Variants in LPIN1 observed in about 807,000 individuals in gnomAD.
The protein encoded by LPIN1 is phosphatidate phosphatase LPIN1.
In LPIN1, 71 loss-of-function variants were observed where a neutral mutation model predicts 107.5. The observed-to-expected ratio is 0.66, with a 90% CI of 0.55 to 0.80. The LOEUF (loss-of-function observed/expected upper bound fraction) is 0.80. Ranked by LOEUF, LPIN1 falls within the 30% of genes least tolerant of loss-of-function variation. The pLI, the probability that LPIN1 is intolerant of heterozygous loss-of-function variation, is 0.00. For missense variants in LPIN1, 1,043 were observed against 1,160.6 expected (o/e 0.90, Z 1.47); for synonymous variants, 445 against 452.6 (o/e 0.98, Z 0.21).
At chr2:11,797,202 T>C (rs953494820) in intron 14 of LPIN1, among the ~76,000 whole-genome samples, 2 of 152,264 alleles carry the variant, frequency 1.3e-5, no homozygotes, top group African/African-American at 4.8e-5. Flanking sequence ...CAGAGCAGGA[T>C]GTACAGCAGG....
chr2:11,759,514 A>G (rs1669298286), intron 1 of LPIN1, among the ~76,000 whole-genome samples: 1 of 152,246 alleles, frequency 6.6e-6, no homozygotes, highest in Non-Finnish European at 1.5e-5. Flanking sequence ...GTCATAGATC[A>G]ACAGCATCCC....
chr2:11,801,169 G>A (rs547240947), intron 14 of LPIN1, among the ~76,000 whole-genome samples: 5 of 152,334 alleles, frequency 3.3e-5, no homozygotes, highest in African/African-American at 4.8e-5. Context: ...ATGTGAATTA[G>A]TACAGCTATT....
chr2:11,795,209 ACTT>A (rs1676451761), intron 13 of LPIN1, among the ~76,000 whole-genome samples, 196 bp from the exon 14 acceptor site: 1 of 152,108 alleles, frequency 6.6e-6, no homozygotes, highest in South Asian at 2.1e-4. Context: ...TTAATCGTAC[ACTT>A]CTTAGCAAAG....
At chr2:11,693,786 G>GTATATATATA (rs1240523068) in intron 1 of LPIN1, among the ~76,000 whole-genome samples, 17 of 44,038 alleles carry the variant, frequency 3.9e-4, no homozygotes, top group African/African-American at 1.7e-3. Context: ...GTGTGTGAGT[G>GTATATATATA]TGTATATATA....
chr2:11,714,412 C>A (rs558212827), intron 2 of LPIN1, among the ~76,000 whole-genome samples: 1 of 152,308 alleles, frequency 6.6e-6, no homozygotes, highest in East Asian at 1.9e-4. Flanking sequence ...GTTCCACAGC[C>A]CAAAGGCCAT....
intron 1 of LPIN1, among the ~76,000 whole-genome samples, chr2:11,733,736 C>T (rs1207818086): frequency 6.6e-6 from 1 of 151,970 alleles, no homozygotes; most frequent in Admixed American, 6.5e-5. Flanking sequence ...AAGCAATCTT[C>T]CCGCCTCGGC....
At chr2:11,782,641 A>T in intron 8 of LPIN1, 134 bp downstream of exon 8, 1 of 984,306 alleles carries the variant, frequency 1.0e-6, no homozygotes, top group Non-Finnish European at 1.5e-6. Context: ...GTTCAGTCTG[A>T]GCTCTTCAGC....
intron 1 of LPIN1, among the ~76,000 whole-genome samples, chr2:11,763,915 T>TC (rs1436651611): frequency 6.6e-6 from 1 of 151,314 alleles, no homozygotes; most frequent in African/African-American, 2.4e-5. Flanking sequence ...TGATCATAAC[T>TC]CCCTTAGTGT....
At chr2:11,824,126 A>G (rs1056522558) in intron 20 of LPIN1, among the ~76,000 whole-genome samples, 4 of 152,114 alleles carry the variant, frequency 2.6e-5, no homozygotes, top group African/African-American at 9.7e-5. Context: ...ATTGGCTTAG[A>G]GAGGTTACGC....
intron 17 of LPIN1, among the ~76,000 whole-genome samples, chr2:11,809,478 A>C (rs548506323): frequency 6.6e-6 from 1 of 151,956 alleles, no homozygotes; most frequent in African/African-American, 2.4e-5. Flanking sequence ...GTGCAATGGC[A>C]TGATCTTGGC....
chr2:11,778,673 A>G (rs569285977), intron 6 of LPIN1, among the ~76,000 whole-genome samples: 82 of 152,364 alleles, frequency 5.4e-4, no homozygotes, highest in African/African-American at 1.9e-3. Flanking sequence ...GATGTGGGAA[A>G]ATAAGCAATA....
rs1488184624 is a variant in LPIN1, at chr2:11,724,722, G to A, written c.-72+183G>A. The stretch of plus-strand genomic sequence containing the variant: ...GACACAGGTCAATGTGTCCCCCATC[G>A]GGCTTCTCAGGCCCTGGCTTGCTGA... On this transcript the variant is annotated intron_variant, in intron 1 of 21. Coordinates refer to the LPIN1 transcript ENST00000396097. The A allele has an allele frequency of 6.1e-6, 5 of 825,978 alleles. No individual in the cohort carries two copies. In the Admixed American group the frequency reaches 2.5e-4, roughly 41 times the overall value. The allele number at this position is 825,978 out of a possible 1,614,324, so 51.2% of individuals were successfully genotyped here.
rs2148639109 is a variant in LPIN1, at chr2:11,773,727, A to G, written c.704A>G (p.Glu235Gly). Residue 235 changes from glutamate to glycine, a missense_variant, in exon 5 of 21, where the codon GAG becomes GGG. Coordinates refer to ENST00000674199, the MANE Select transcript of LPIN1 (RefSeq NM_001349206.2). ...QSASYPNSDR[E>G]WSPTPSSLVD... ...GCCTCATACCCTAATTCGGATAGAG[A>G]GTGGTCACCCACTCCCAGGTAAGCT... The G allele has an allele frequency of 1.9e-6, 3 of 1,614,066 alleles. No homozygotes were observed. Among genetic ancestry groups the G allele is most frequent in the Non-Finnish European group, 2.5e-6 (3 of 1,179,992 alleles).
At chr2:11,802,091 G>A (rs978532345) in intron 14 of LPIN1, among the ~76,000 whole-genome samples, 33 of 152,096 alleles carry the variant, frequency 2.2e-4, no homozygotes, top group African/African-American at 7.7e-4. Context: ...TTTAGTCTAA[G>A]GCATTTACTA....
rs749786229 is a variant in LPIN1, at chr2:11,804,490, C to T, written c.2081C>T (p.Thr694Met). ...VFSVTTQYQGTCRCEGTIYLW... is the reference protein window; with the variant it reads ...VFSVTTQYQGMCRCEGTIYLW... ...AGTGTCACCACGCAGTACCAAGGCACGTGCCGCTGTGAGGGCACCATCTAT... is the reference window on the plus strand; with the variant it reads ...AGTGTCACCACGCAGTACCAAGGCATGTGCCGCTGTGAGGGCACCATCTAT... Residue 694 changes from threonine to methionine, a missense_variant, in exon 16 of 21, where the codon ACG becomes ATG. Coordinates refer to ENST00000674199, the MANE Select transcript of LPIN1 (RefSeq NM_001349206.2). The T allele has an allele frequency of 1.2e-5, 20 of 1,614,034 alleles. No individual in the cohort carries two copies. Among genetic ancestry groups the T allele is most frequent in the Admixed American group, 5.0e-5 (3 of 60,004 alleles).
intron 6 of LPIN1, among the ~76,000 whole-genome samples, chr2:11,777,803 T>C (rs1014446109): frequency 1.1e-4 from 17 of 152,380 alleles, no homozygotes; most frequent in African/African-American, 3.8e-4. Flanking sequence ...AAAGAACTTA[T>C]AGCCAAATAT....
chr2:11,741,304 T>G, intron 1 of LPIN1: 2 of 1,337,610 alleles, frequency 1.5e-6, no homozygotes, highest in South Asian at 2.7e-5. Context: ...CGAGAGACAC[T>G]GGAGAGAAAA....
At chr2:11,719,388 T>C (rs1261434531), upstream of LPIN1, among the ~76,000 whole-genome samples, 2 of 152,250 alleles carry the variant, frequency 1.3e-5, no homozygotes, top group African/African-American at 4.8e-5. Context: ...CTGGGGCTCC[T>C]GAGGCCAGTG....
chr2:11,810,866 T>C (rs914556171), intron 17 of LPIN1, among the ~76,000 whole-genome samples: 16 of 151,880 alleles, frequency 1.1e-4, no homozygotes, highest in African/African-American at 3.9e-4. Context: ...ACTATTTAAA[T>C]CTCCCCGAGT....
Sources: allele counts gnomAD v4.1 joint callset (sites outside exome capture counted in the v4.1 genomes callset), GRCh38; gene constraint gnomAD v4.1.1; transcripts MANE v1.5; gene names NCBI Gene and HGNC (gene_info 2026-07-23, HGNC 2026-07-21).